The following THSD7B variants were observed in gnomAD, a reference collection of about 807,000 sequenced individuals.
THSD7B encodes the protein thrombospondin type-1 domain-containing protein 7B.
A neutral mutation model predicts 213.6 loss-of-function variants in THSD7B; 138 were observed. That is an observed-to-expected ratio of 0.65 (90% CI 0.56 to 0.74). The LOEUF (loss-of-function observed/expected upper bound fraction) is 0.74, where lower values mean the gene tolerates loss of function less well. Ranked by LOEUF, THSD7B falls within the 30% of genes least tolerant of loss-of-function variation. The probability of loss-of-function intolerance (pLI) is 0.00; values close to 1 mark genes in which losing one functional copy is unlikely to be tolerated. For synonymous variants in THSD7B, 742 were observed against 687.0 expected, an observed-to-expected ratio of 1.08 and a Z score of -1.25; for missense variants, 1,931 against 1,991.5, an observed-to-expected ratio of 0.97 and a Z score of 0.58.
intron 12 of THSD7B, among the ~76,000 whole-genome samples, chr2:137,398,865 G>C (rs1686275212): frequency 6.6e-6 from 1 of 152,170 alleles, no homozygotes; most frequent in African/African-American, 2.4e-5. Flanking sequence ...ATAATCTCTT[G>C]GTGCACCGTT....
At chr2:137,023,887 A>G (rs1426304528) in intron 2 of THSD7B, among the ~76,000 whole-genome samples, 2 of 151,846 alleles carry the variant, frequency 1.3e-5, no homozygotes, top group Non-Finnish European at 2.9e-5. Flanking sequence ...TTCAAATTCG[A>G]CAAATGAACA....
chr2:136,778,407 C>T (rs1681653562), intron 1 of THSD7B, among the ~76,000 whole-genome samples: 1 of 152,078 alleles, frequency 6.6e-6, no homozygotes, highest in African/African-American at 2.4e-5. Flanking sequence ...CCCTTCTGCC[C>T]CCCTCTGTAT....
intron 3 of THSD7B, among the ~76,000 whole-genome samples, chr2:137,057,554 G>C (rs1687194295): frequency 6.6e-6 from 1 of 152,016 alleles, no homozygotes; most frequent in Admixed American, 6.6e-5. Context: ...AAGACTAAGG[G>C]GCTTCTCATA....
intron 12 of THSD7B, among the ~76,000 whole-genome samples, chr2:137,348,703 C>CTTTTT (rs80150345): frequency 4.5e-5 from 5 of 110,906 alleles, no homozygotes; most frequent in Non-Finnish European, 9.2e-5. Context: ...CTATGAACTC[C>CTTTTT]TTTTTTTTTT....
At chr2:137,588,601 G>T (rs1285981708) in intron 17 of THSD7B, among the ~76,000 whole-genome samples, 1 of 150,820 alleles carries the variant, frequency 6.6e-6, no homozygotes, top group East Asian at 1.9e-4. Flanking sequence ...GATTTAAAAA[G>T]ATCCATTGAA....
At chr2:137,430,689 G>A (rs1214695984) in intron 14 of THSD7B, among the ~76,000 whole-genome samples, 1 of 152,198 alleles carries the variant, frequency 6.6e-6, no homozygotes, top group East Asian at 1.9e-4. Context: ...AGGATTCCAT[G>A]TTTATTTCAG....
At chr2:137,378,879 C>T (rs1685717238) in intron 12 of THSD7B, among the ~76,000 whole-genome samples, 2 of 152,154 alleles carry the variant, frequency 1.3e-5, no homozygotes, top group African/African-American at 4.8e-5. Flanking sequence ...AGATGTTTCT[C>T]CTCCCTCCTC....
chr2:137,463,485 A>G (rs1687928811), intron 15 of THSD7B, among the ~76,000 whole-genome samples: 1 of 151,938 alleles, frequency 6.6e-6, no homozygotes, highest in South Asian at 2.1e-4. Context: ...ATTTAATATA[A>G]CATGCTGCCC....
chr2:137,472,809 T>G (rs981549273), intron 15 of THSD7B, among the ~76,000 whole-genome samples: 1 of 152,220 alleles, frequency 6.6e-6, no homozygotes, highest in African/African-American at 2.4e-5. Flanking sequence ...TCTGTTACTT[T>G]AAAATACATT....
At chr2:137,493,517 C>A (rs1679482632) in intron 15 of THSD7B, among the ~76,000 whole-genome samples, 1 of 152,182 alleles carries the variant, frequency 6.6e-6, no homozygotes, top group South Asian at 2.1e-4. Context: ...TACGGTGACA[C>A]AAGAGAGGGC....
At chr2:137,630,674 G>C (rs1682724051) in intron 20 of THSD7B, among the ~76,000 whole-genome samples, 1 of 152,176 alleles carries the variant, frequency 6.6e-6, no homozygotes, top group Non-Finnish European at 1.5e-5. Flanking sequence ...GAGCTGCAAA[G>C]GTTGGAGACT....
intron 2 of THSD7B, among the ~76,000 whole-genome samples, chr2:136,962,011 G>T (rs1685227831): frequency 6.6e-6 from 1 of 152,274 alleles, no homozygotes; most frequent in African/African-American, 2.4e-5. Flanking sequence ...ACCCTGAGAT[G>T]GGGAGATTAT....
At chr2:137,331,692 G>A (rs1312081303) in intron 12 of THSD7B, among the ~76,000 whole-genome samples, 3 of 152,180 alleles carry the variant, frequency 2.0e-5, no homozygotes, top group Non-Finnish European at 4.4e-5. Flanking sequence ...GGCCACACAG[G>A]AGCCCATGGA....
In THSD7B at chr2:137,282,024, T is replaced by C. The variant is rs553733184; in HGVS notation, c.2500+5998T>C. Among the ~76,000 whole-genome samples, 892 of 152,204 alleles carry C rather than the reference T, an allele frequency of 5.9e-3. 9 individuals are homozygous for C. Among genetic ancestry groups the C allele is most frequent in the African/African-American group, 0.019 (809 of 41,508 alleles). On this transcript the variant is annotated intron_variant, in intron 12 of 27. Transcript: ENST00000409968. ...AACTAGTTTATAGTCCCACCAACAGTGTAAAAGTGTTCCTATTTCTCCACA... is the reference window on the plus strand; with the variant it reads ...AACTAGTTTATAGTCCCACCAACAGCGTAAAAGTGTTCCTATTTCTCCACA...
At chr2:136,911,948 T>C (rs960663002) in intron 2 of THSD7B, among the ~76,000 whole-genome samples, 14 of 152,086 alleles carry the variant, frequency 9.2e-5, no homozygotes, top group African/African-American at 3.4e-4. Context: ...GATGGATGGA[T>C]GAATAGCAGG....
intron 15 of THSD7B, among the ~76,000 whole-genome samples, chr2:137,474,608 T>C (rs1343752730): frequency 1.3e-5 from 2 of 152,328 alleles, no homozygotes; most frequent in East Asian, 3.9e-4. Context: ...AAGAGCAAAT[T>C]ATGCTTTCTA....
rs1348702110 is a variant in THSD7B, at chr2:137,412,248, G to A, written c.2959+376G>A. Among the ~76,000 whole-genome samples the A allele has an allele frequency of 2.0e-5, 3 of 149,628 alleles. No individual in the cohort carries two copies. In the Admixed American group the frequency reaches 2.0e-4, roughly 10 times the overall value. ...ATACATAGAAGGCATCAGAACTTGAGTGTCTTCTAATGTAGTTGAGAAAAA... is the reference window on the plus strand; with the variant it reads ...ATACATAGAAGGCATCAGAACTTGAATGTCTTCTAATGTAGTTGAGAAAAA... On this transcript the variant is annotated intron_variant, in intron 14 of 27. Transcript: ENST00000409968.
rs1348928169 is a variant in THSD7B at position 137,354,150 on chromosome 2, T to C, written c.2501-51463T>C. On this transcript the variant is annotated intron_variant, in intron 12 of 27. Transcript: ENST00000409968. The stretch of plus-strand genomic sequence containing the variant: ...CCTTACGACATTGTTATTGTAGTTA[T>C]GTGTTCATATATTTGTCTTTCCCGT... Among the ~76,000 whole-genome samples the C allele has an allele frequency of 4.6e-5, 7 of 152,040 alleles. No individual in the cohort carries two copies. In the East Asian group the frequency reaches 1.2e-3, roughly 25 times the overall value.
At chr2:136,922,268 C>T (rs1195609234) in intron 2 of THSD7B, among the ~76,000 whole-genome samples, 1 of 152,154 alleles carries the variant, frequency 6.6e-6, no homozygotes, top group Non-Finnish European at 1.5e-5. Context: ...AGTATTATGT[C>T]ACACCATATA....
Sources: gnomAD v4.1 joint callset for allele counts (sites outside exome capture counted in the v4.1 genomes callset) on GRCh38, gnomAD v4.1.1 for gene constraint, MANE v1.5 for transcripts, NCBI Gene and HGNC (gene_info 2026-07-23, HGNC 2026-07-21) for gene names.